Variants in PDE1C observed in about 807,000 individuals in gnomAD.
The protein encoded by PDE1C is dual specificity calcium/calmodulin-dependent 3',5'-cyclic nucleotide phosphodiesterase 1C.
PDE1C carries 62 observed loss-of-function variants against 93.1 expected under a neutral mutation model. The ratio of observed to expected loss-of-function variants is 0.67; its 90% confidence interval spans 0.54 to 0.82. PDE1C has a LOEUF of 0.82. PDE1C is among the 40% of genes least tolerant of loss of function. The probability of loss-of-function intolerance (pLI) is 0.00; values close to 1 mark genes in which losing one functional copy is unlikely to be tolerated. For missense variants in PDE1C, 742 were observed against 884.6 expected, an observed-to-expected ratio of 0.84 and a Z score of 2.04; for synonymous variants, 325 against 310.1, an observed-to-expected ratio of 1.05 and a Z score of -0.50.
chr7:31,801,907 T>C (rs942707464), intron 16 of PDE1C, among the ~76,000 whole-genome samples: 1 of 151,558 alleles, frequency 6.6e-6, no homozygotes, highest in African/African-American at 2.4e-5. Context: ...TATATGTTTA[T>C]GCGATACAAG....
At chr7:31,852,736 C>T (rs1793501260) in intron 7 of PDE1C, among the ~76,000 whole-genome samples, 1 of 152,236 alleles carries the variant, frequency 6.6e-6, no homozygotes, top group East Asian at 1.9e-4. Flanking sequence ...CATAATCTTA[C>T]ATTGTATTTT....
At chr7:31,809,133 A>T (rs775501849) in intron 15 of PDE1C, 25 bp from the exon 16 acceptor site, 2 of 1,307,676 alleles carry the variant, frequency 1.5e-6, no homozygotes, top group East Asian at 4.6e-5. Flanking sequence ...CATGACAAAC[A>T]GTATATGTAT....
Position 31,751,260 on chromosome 7 carries a change from C to T in PDE1C, c.*2124G>A, listed in dbSNP as rs536738830. 3.9e-5 allele frequency: 6 copies of T among 152,230 alleles called. No individual in the cohort carries two copies. The highest frequency in any genetic ancestry group is 3.3e-4 in the Admixed American group (5 of 15,298). The allele number at this position is 152,230 out of a possible 1,614,324, so 9.4% of individuals were successfully genotyped here. ...TCCATTATGCAAAAAACATGGTAGGCATTTTATAAGCAGTGCAAAATCTCA... is the reference window on the plus strand; with the variant it reads ...TCCATTATGCAAAAAACATGGTAGGTATTTTATAAGCAGTGCAAAATCTCA... On this transcript the variant is annotated 3_prime_UTR_variant, in exon 18 of 18. Transcript: ENST00000396191.
chr7:31,849,850 G>T (rs1202478585), intron 8 of PDE1C, among the ~76,000 whole-genome samples: 3 of 152,136 alleles, frequency 2.0e-5, no homozygotes, highest in Non-Finnish European at 2.9e-5. Flanking sequence ...TAGGCTAGGA[G>T]AGGGCAAGGA....
At chr7:31,979,813 A>C (rs186671928) in intron 2 of PDE1C, among the ~76,000 whole-genome samples, 20 of 152,300 alleles carry the variant, frequency 1.3e-4, no homozygotes, top group African/African-American at 4.8e-4. Context: ...CACTGTACCC[A>C]AGTACTGTGT....
chr7:31,629,953 T>A, the PDE1C span, among the ~76,000 whole-genome samples: 1 of 152,046 alleles, frequency 6.6e-6, no homozygotes, highest in East Asian at 1.9e-4. Flanking sequence ...ATGATATAAA[T>A]ATAATAAATA....
chr7:32,233,872 A>T (rs1291016870), intron 1 of PDE1C, among the ~76,000 whole-genome samples: 1 of 152,046 alleles, frequency 6.6e-6, no homozygotes, highest in African/African-American at 2.4e-5. Flanking sequence ...AGAACAGAAC[A>T]TTCATCACGA....
chr7:32,191,839 C>A (rs1402265506), intron 2 of PDE1C, among the ~76,000 whole-genome samples: 2 of 152,152 alleles, frequency 1.3e-5, no homozygotes. Flanking sequence ...ATGAGTAATT[C>A]AGTTTCTCTG....
intron 2 of PDE1C, among the ~76,000 whole-genome samples, chr7:32,174,274 A>C (rs540949590): frequency 6.6e-6 from 1 of 152,244 alleles, no homozygotes; most frequent in African/African-American, 2.4e-5. Flanking sequence ...CACATATTGA[A>C]TTCCCTCAAT....
At chr7:32,077,456 C>A (rs1796417536) in intron 3 of PDE1C, among the ~76,000 whole-genome samples, 1 of 152,154 alleles carries the variant, frequency 6.6e-6, no homozygotes, top group African/African-American at 2.4e-5. Context: ...CGATAATTTT[C>A]TTTCAGTTAC....
intron 2 of PDE1C, among the ~76,000 whole-genome samples, chr7:31,885,110 C>G (rs972490190): frequency 1.3e-5 from 2 of 152,118 alleles, no homozygotes; most frequent in South Asian, 2.1e-4. Context: ...AGATGGAGAT[C>G]TGGTGTTTTA....
At chr7:32,417,868 G>A (rs1785306716) in intron 1 of PDE1C, among the ~76,000 whole-genome samples, 1 of 152,140 alleles carries the variant, frequency 6.6e-6, no homozygotes. Context: ...ACTCAACGTA[G>A]TAATTTGAAT....
chr7:31,631,979 C>T, the PDE1C span, among the ~76,000 whole-genome samples: 3 of 152,158 alleles, frequency 2.0e-5, no homozygotes, highest in Admixed American at 6.5e-5. Flanking sequence ...CAGCAGAGGG[C>T]CCTGCAGGTC....
chr7:32,399,767 A>T (rs1316985530), intron 1 of PDE1C, among the ~76,000 whole-genome samples: 1 of 150,390 alleles, frequency 6.6e-6, no homozygotes, highest in Non-Finnish European at 1.5e-5. Context: ...TATTTTTAGT[A>T]GAGACAGGGT....
At chr7:31,947,441 T>A (rs1355627179) in intron 2 of PDE1C, among the ~76,000 whole-genome samples, 1 of 151,250 alleles carries the variant, frequency 6.6e-6, no homozygotes. Context: ...GACTGAGTCA[T>A]GATTTATCTC....
intron 2 of PDE1C, among the ~76,000 whole-genome samples, chr7:32,031,258 A>C (rs746926854): frequency 3.9e-5 from 6 of 152,150 alleles, no homozygotes; most frequent in Non-Finnish European, 7.4e-5. Context: ...AGAGAGTATA[A>C]TTTTACCTTT....
At chr7:31,628,852 T>C in the PDE1C span, among the ~76,000 whole-genome samples, 1 of 152,208 alleles carries the variant, frequency 6.6e-6, no homozygotes, top group African/African-American at 2.4e-5. Context: ...TTCTTCTTAC[T>C]GTCTGAACAT....
At chr7:31,621,942 A>C in the PDE1C span, among the ~76,000 whole-genome samples, 1 of 149,932 alleles carries the variant, frequency 6.7e-6, no homozygotes, top group African/African-American at 2.5e-5. Context: ...AAAAAAAGGC[A>C]GGGGTTGCAA....
the PDE1C span, among the ~76,000 whole-genome samples, chr7:31,676,614 T>G: frequency 6.6e-6 from 1 of 152,118 alleles, no homozygotes; most frequent in African/African-American, 2.4e-5. Flanking sequence ...TGTGGGTGTG[T>G]GTGTATAATT....
Sources: gnomAD v4.1 joint callset for allele counts (sites outside exome capture counted in the v4.1 genomes callset) on GRCh38, gnomAD v4.1.1 for gene constraint, MANE v1.5 for transcripts, NCBI Gene and HGNC (gene_info 2026-07-23, HGNC 2026-07-21) for gene names.